The following TIAM2 variants were observed in gnomAD, a reference collection of about 807,000 sequenced individuals.
TIAM2 encodes the protein rho guanine nucleotide exchange factor TIAM2.
A neutral mutation model predicts 152.9 loss-of-function variants in TIAM2; 80 were observed. That is an observed-to-expected ratio of 0.52 (90% CI 0.44 to 0.63). The LOEUF (loss-of-function observed/expected upper bound fraction) is 0.63. TIAM2 is among the 30% of genes least tolerant of loss of function. The pLI is 0.00. For synonymous variants in TIAM2, 804 were observed against 838.0 expected (o/e 0.96, Z 0.70); for missense variants, 1,965 against 2,120.1 (o/e 0.93, Z 1.44).
intron 7 of TIAM2, among the ~76,000 whole-genome samples, chr6:155,163,380 T>A (rs149066644): frequency 1.9e-3 from 283 of 152,350 alleles, no homozygotes; most frequent in African/African-American, 6.4e-3. Flanking sequence ...TATTAATAAC[T>A]TATCTTTGCA....
At chr6:155,120,634 T>C (rs1229796741) in intron 2 of TIAM2, among the ~76,000 whole-genome samples, 1 of 152,136 alleles carries the variant, frequency 6.6e-6, no homozygotes, top group Non-Finnish European at 1.5e-5. Flanking sequence ...TTGTCCTGAG[T>C]TTTAATATTT....
At chr6:155,024,551 T>G (rs1289950227) in intron 1 of TIAM2, among the ~76,000 whole-genome samples, 1 of 151,920 alleles carries the variant, frequency 6.6e-6, no homozygotes, top group Non-Finnish European at 1.5e-5. Flanking sequence ...TAAATCGCTG[T>G]GATATTTAGG....
intron 1 of TIAM2, among the ~76,000 whole-genome samples, chr6:155,029,681 A>G (rs1221148545): frequency 3.7e-5 from 5 of 134,994 alleles, no homozygotes; most frequent in Non-Finnish European, 7.8e-5. Flanking sequence ...ATACAGAGTT[A>G]TATAACTATA....
At chr6:155,137,755 TACTTTCTCAC>T in intron 5 of TIAM2, 143 bp downstream of exon 5, 3 of 833,834 alleles carry the variant, frequency 3.6e-6, no homozygotes, top group Non-Finnish European at 3.6e-6. Flanking sequence ...TTCATGCAGA[TACTTTCTCAC>T]ACCCGTGAAA....
At position 155,164,562 on chromosome 6, in the gene TIAM2, A is replaced by G; in HGVS notation, c.2176A>G (p.Arg726Gly). 6.2e-7 allele frequency: 1 copy of G among 1,613,856 alleles called. No homozygotes were observed. Among genetic ancestry groups the G allele is most frequent in the Non-Finnish European group, 8.5e-7 (1 of 1,179,808 alleles). Residue 726 changes from arginine to glycine, a missense_variant, in exon 8 of 27, where the codon AGG (arginine) becomes GGG (glycine). By Grantham distance (125) the Arg-to-Gly change is moderately radical. This residue lies in a region of TIAM2 where 1,025 missense variants were observed against 1,119.4 expected (regional missense o/e 0.92). Coordinates refer to ENST00000682666, the MANE Select transcript of TIAM2 (RefSeq NM_012454.4). The stretch of plus-strand genomic sequence containing the variant: ...CCGCCCCTCCAAGCTGGCCCTCGGC[A>G]GGCTGGGCATCTTGTCTGTTTCCTC... ...ASRPSKLALG[R>G]LGILSVSSFH...
intron 14 of TIAM2, among the ~76,000 whole-genome samples, chr6:155,207,018 AT>A (rs759641151): frequency 4.6e-5 from 7 of 152,172 alleles, no homozygotes; most frequent in African/African-American, 1.7e-4. Flanking sequence ...CCCCTAAAAC[AT>A]GTTGCACTGT....
intron 9 of TIAM2, 112 bp from the exon 10 acceptor site, chr6:155,176,704 G>A (rs1191138789): frequency 2.7e-6 from 3 of 1,110,026 alleles, no homozygotes; most frequent in Non-Finnish European, 3.9e-6. Context: ...GTGATGTGAA[G>A]CGTGTGAGCG....
chr6:155,058,432 G>A (rs566670781), intron 1 of TIAM2, among the ~76,000 whole-genome samples: 1 of 152,266 alleles, frequency 6.6e-6, no homozygotes, highest in Non-Finnish European at 1.5e-5. Flanking sequence ...GTAAATATTG[G>A]ATAAATTTGG....
At chr6:155,081,811 A>AC (rs1778068167) in intron 1 of TIAM2, among the ~76,000 whole-genome samples, 1 of 151,774 alleles carries the variant, frequency 6.6e-6, no homozygotes. Context: ...CGTTTTTTTT[A>AC]CCCCCTGACT....
intron 7 of TIAM2, among the ~76,000 whole-genome samples, chr6:155,162,163 G>T (rs964219083): frequency 3.9e-5 from 6 of 151,920 alleles, no homozygotes; most frequent in African/African-American, 1.2e-4. Flanking sequence ...TCGCCATGTT[G>T]CCCAGGCTGG....
intron 1 of TIAM2, among the ~76,000 whole-genome samples, chr6:155,060,141 C>T (rs11967943): frequency 0.017 from 2,646 of 152,258 alleles, 57 homozygotes; most frequent in African/African-American, 0.06. Flanking sequence ...GCGGTGCTTA[C>T]GCCTGTAATC....
In TIAM2 at chr6:155,046,331, C is replaced by CTTT. The variant is rs1164422319; in HGVS notation, c.-208-43937_-208-43935dup. On this transcript the variant is annotated intron_variant, in intron 1 of 26. Transcript: ENST00000682666. ...AGAGGAAGGGCACTCTTGGCTCTGT[C>CTTT]TTTTTTTTTTTTTTTTTTTTTTTGA... Among the ~76,000 whole-genome samples, 304 of 80,800 alleles carry CTTT rather than the reference C, an allele frequency of 3.8e-3. 5 individuals carry two copies. The highest frequency in any genetic ancestry group is 6.7e-3 in the East Asian group (17 of 2,534). The allele number at this position is 80,800 out of a possible 152,430, so 53.0% of individuals were successfully genotyped here.
intron 14 of TIAM2, among the ~76,000 whole-genome samples, chr6:155,187,573 CT>C (rs59818801): frequency 9.1e-4 from 45 of 49,622 alleles, no homozygotes; most frequent in African/African-American, 1.3e-3. Context: ...ACCCCGCCCC[CT>C]TTTTTTTTTT....
At chr6:155,066,957 A>G (rs752102008) in intron 1 of TIAM2, among the ~76,000 whole-genome samples, 3 of 152,112 alleles carry the variant, frequency 2.0e-5, no homozygotes, top group Non-Finnish European at 4.4e-5. Flanking sequence ...GGGTTTTGCT[A>G]TATTAGCCAG....
intron 1 of TIAM2, among the ~76,000 whole-genome samples, chr6:155,067,127 C>T (rs1317833830): frequency 6.6e-6 from 1 of 152,136 alleles, no homozygotes; most frequent in East Asian, 1.9e-4. Flanking sequence ...CTTTGTGGTA[C>T]AGCCGCAGGA....
chr6:155,224,949 CTATT>C (rs1186411587), intron 15 of TIAM2, among the ~76,000 whole-genome samples: 18 of 152,110 alleles, frequency 1.2e-4, no homozygotes, highest in Non-Finnish European at 2.4e-4. Context: ...TTGGGATTTT[CTATT>C]TATTTGTTTG....
At chr6:155,140,571 TGTGA>T (rs1299710366) in intron 5 of TIAM2, among the ~76,000 whole-genome samples, 15 of 110,722 alleles carry the variant, frequency 1.4e-4, no homozygotes, top group African/African-American at 4.5e-4. Context: ...TGTGTGTGTG[TGTGA>T]GAGAGAGAGA....
At chr6:155,043,719 C>T (rs143440769) in intron 1 of TIAM2, among the ~76,000 whole-genome samples, 36 of 151,946 alleles carry the variant, frequency 2.4e-4, no homozygotes, top group African/African-American at 8.7e-4. Context: ...CACCCCCACT[C>T]CCAGTGATTC....
chr6:155,161,861 A>G (rs1378130027), intron 7 of TIAM2, among the ~76,000 whole-genome samples: 2 of 152,054 alleles, frequency 1.3e-5, no homozygotes, highest in Non-Finnish European at 2.9e-5. Context: ...TACAGACGTG[A>G]GCCATCACTC....
Sources: allele counts gnomAD v4.1 joint callset (sites outside exome capture counted in the v4.1 genomes callset), GRCh38; gene constraint gnomAD v4.1.1; regional missense constraint gnomAD v4.1.1; transcripts MANE v1.5; gene names NCBI Gene and HGNC (gene_info 2026-07-23, HGNC 2026-07-21).